Variants in ABLIM2 observed in about 807,000 individuals in gnomAD.
The protein encoded by ABLIM2 is actin-binding LIM protein 2.
Under a neutral mutation model 97.7 loss-of-function variants are expected in ABLIM2, and 53 were observed. The ratio of observed to expected loss-of-function variants is 0.54; its 90% CI spans 0.44 to 0.68. ABLIM2 has a LOEUF of 0.68. ABLIM2 is among the 30% of genes least tolerant of loss of function. The pLI is 0.00. For synonymous variants in ABLIM2, 361 were observed against 345.8 expected, an observed-to-expected ratio of 1.04 and a Z score of -0.49; for missense variants, 835 against 867.2, an observed-to-expected ratio of 0.96 and a Z score of 0.47.
chr4:7,977,938 T>C (rs1385840026), intron 20 of ABLIM2, among the ~76,000 whole-genome samples: 2 of 152,080 alleles, frequency 1.3e-5, no homozygotes, highest in Non-Finnish European at 2.9e-5. Context: ...TGATCCAAAA[T>C]AGGATTCAGT....
intron 1 of ABLIM2, 149 bp downstream of exon 1, chr4:8,158,530 CG>C: frequency 1.0e-6 from 1 of 961,436 alleles, no homozygotes; most frequent in Non-Finnish European, 1.5e-6. Context: ...TCTGGCCCCT[CG>C]GGGCTGCAAA....
intron 1 of ABLIM2, among the ~76,000 whole-genome samples, chr4:8,152,966 C>G (rs1339483788): frequency 6.6e-6 from 1 of 152,162 alleles, no homozygotes; most frequent in Non-Finnish European, 1.5e-5. Context: ...GAGCCCTACC[C>G]AGGCAGAGGC....
intron 15 of ABLIM2, among the ~76,000 whole-genome samples, chr4:8,008,578 C>T (rs1223404191): frequency 6.6e-6 from 1 of 152,248 alleles, no homozygotes; most frequent in Admixed American, 6.5e-5. Flanking sequence ...AAAGCCCAGC[C>T]TGCAGCCTCC....
At chr4:8,077,873 T>A (rs965898525) in intron 5 of ABLIM2, among the ~76,000 whole-genome samples, 152 bp from the exon 6 acceptor site, 1 of 152,228 alleles carries the variant, frequency 6.6e-6, no homozygotes, top group Admixed American at 6.5e-5. Context: ...GGCAGTGTCA[T>A]TGGGCTCTCA....
At chr4:7,969,345 T>C (rs960545968) in intron 20 of ABLIM2, among the ~76,000 whole-genome samples, 1 of 151,914 alleles carries the variant, frequency 6.6e-6, no homozygotes, top group Non-Finnish European at 1.5e-5. Flanking sequence ...TCCCAGTTAC[T>C]GAGGAGGCTG....
intron 20 of ABLIM2, among the ~76,000 whole-genome samples, chr4:7,978,564 G>A (rs1735494599): frequency 6.6e-6 from 1 of 152,184 alleles, no homozygotes; most frequent in South Asian, 2.1e-4. Flanking sequence ...CAGACCTGCT[G>A]GCTGAGCTCA....
Position 8,061,653 on chromosome 4 carries a change from CAAA to C in ABLIM2, c.676-602_676-600del, listed in dbSNP as rs200304779. Among the ~76,000 whole-genome samples, 2 of 137,918 alleles carry C rather than the reference CAAA, an allele frequency of 1.5e-5. No homozygotes were observed. Among genetic ancestry groups the C allele is most frequent in the Admixed American group, 7.3e-5 (1 of 13,718 alleles). 90.5% of individuals were successfully genotyped at this position (137,918 alleles called of 152,430 possible). The stretch of plus-strand genomic sequence containing the variant: ...TGGTTTGGCTTATTTTTGCCTGGAG[CAAA>C]AAAAAAAAAAATCACCCCGAAATGC... On this transcript the variant is annotated intron_variant, in intron 6 of 20. Coordinates refer to ENST00000447017, the MANE Select transcript of ABLIM2 (RefSeq NM_001130083.2). This position sits in a 1 kb window ranked among gnomAD's most constrained non-coding sequence, Gnocchi z 4.5.
In ABLIM2 at chr4:8,133,351, C is replaced by T. The variant is rs146454427; in HGVS notation, c.10+25329G>A. ...TCTTTTCATCAGGGGACCTACACCC[C>T]GGGTGCCCTGGCACAACATGTCCCC... On this transcript the variant is annotated intron_variant, in intron 1 of 20. Transcript: ENST00000447017. Among the ~76,000 whole-genome samples, 9 of 152,044 alleles carry T rather than the reference C, an allele frequency of 5.9e-5. 1 individual carries two copies. Among genetic ancestry groups the T allele is most frequent in the East Asian group, 1.9e-4 (1 of 5,150 alleles).
chr4:8,118,890 G>A (rs1005917368), intron 1 of ABLIM2, among the ~76,000 whole-genome samples: 3 of 152,280 alleles, frequency 2.0e-5, no homozygotes, highest in East Asian at 1.9e-4. Context: ...GGACCTAAGC[G>A]CCCTTCTTTG....
chr4:8,093,704 A>G (rs1830036234), intron 3 of ABLIM2, among the ~76,000 whole-genome samples: 1 of 152,204 alleles, frequency 6.6e-6, no homozygotes, highest in Non-Finnish European at 1.5e-5. Flanking sequence ...TAGCATACAT[A>G]GTTTCTGATG....
chr4:8,143,330 A>G (rs1851318058), intron 1 of ABLIM2, among the ~76,000 whole-genome samples: 1 of 152,126 alleles, frequency 6.6e-6, no homozygotes, highest in African/African-American at 2.4e-5. Context: ...TGGGTTCCCT[A>G]CACTGTCACT....
intron 20 of ABLIM2, among the ~76,000 whole-genome samples, chr4:7,977,985 A>G (rs531502285): frequency 6.6e-6 from 1 of 152,162 alleles, no homozygotes; most frequent in Non-Finnish European, 1.5e-5. Context: ...TTCCAGAAGC[A>G]TATCTCCCAC....
Position 7,992,766 on chromosome 4 carries a change from G to A in ABLIM2, c.1680+100C>T, listed in dbSNP as rs1749913555. On this transcript the variant is annotated intron_variant, in intron 17 of 20. Transcript: ENST00000447017. The surrounding 1 kb of genome is among the most constrained non-coding windows in gnomAD (Gnocchi z 5.7). ...AGGCAGGTGGGCCGCGGGGTCCCCG[G>A]GGCCTCTCCTCCTGCTGTGTGGTCA... 7.4e-7 allele frequency: 1 copy of A among 1,349,798 alleles called. No homozygotes were observed. The highest frequency in any genetic ancestry group is 1.4e-5 in the African/African-American group (1 of 69,068). The allele number at this position is 1,349,798 out of a possible 1,614,324, so 83.6% of individuals were successfully genotyped here.
chr4:8,109,390 C>A (rs1105616), intron 1 of ABLIM2, among the ~76,000 whole-genome samples: 120,242 of 152,230 alleles, frequency 0.79, 47,855 homozygotes, highest in Non-Finnish European at 0.83. Flanking sequence ...TCACTCACAT[C>A]TATTTACCCA....
At chr4:8,079,241 C>A (rs1444851386) in intron 5 of ABLIM2, among the ~76,000 whole-genome samples, 4 of 152,198 alleles carry the variant, frequency 2.6e-5, no homozygotes, top group Non-Finnish European at 4.4e-5. Flanking sequence ...CCGTAATAAC[C>A]CACAAACGAG....
chr4:8,046,583 T>C lies in ABLIM2; in HGVS notation c.823-1342A>G, dbSNP rs368087033. Among the ~76,000 whole-genome samples, 74 of 152,262 alleles carry C rather than the reference T, an allele frequency of 4.9e-4. 1 individual carries two copies. In the East Asian group the frequency reaches 0.012, roughly 24 times the overall value. ...CCACTGCAGCTCCCTCCTCTCATTT[T>C]CTGAGTAGACCCTTTTCTTGCCACC... is the stretch of plus-strand genomic sequence containing the variant. On this transcript the variant is annotated intron_variant, in intron 8 of 20. Coordinates refer to ENST00000447017, the MANE Select transcript of ABLIM2 (RefSeq NM_001130083.2). This position sits in a 1 kb window ranked among gnomAD's most constrained non-coding sequence, Gnocchi z 4.4.
In ABLIM2 at chr4:8,004,895, A is replaced by C. The variant is rs990474393; in HGVS notation, c.1618+3164T>G. 2.0e-5 allele frequency among the ~76,000 whole-genome samples: 3 copies of C among 152,224 alleles called. No homozygotes were observed. Among genetic ancestry groups the C allele is most frequent in the Non-Finnish European group, 4.4e-5 (3 of 68,040 alleles). ...ATGACGCCCTCTTTGGAGGGGTGGC[A>C]ATGCCTGCTGGGAACTAATGGAATG... is the stretch of plus-strand genomic sequence containing the variant. On this transcript the variant is annotated intron_variant, in intron 16 of 20. Transcript: ENST00000447017. This position sits in a 1 kb window ranked among gnomAD's most constrained non-coding sequence, Gnocchi z 5.9.
chr4:7,990,600 T>C (rs1430092038), intron 17 of ABLIM2, among the ~76,000 whole-genome samples: 1 of 152,178 alleles, frequency 6.6e-6, no homozygotes, highest in Non-Finnish European at 1.5e-5. Context: ...ACTGCACCTA[T>C]GCTTGAGGCC....
intron 17 of ABLIM2, among the ~76,000 whole-genome samples, chr4:7,989,070 G>A (rs1243117942): frequency 9.1e-6 from 1 of 110,328 alleles, no homozygotes; most frequent in African/African-American, 3.3e-5. Context: ...AGACACATTA[G>A]TCTTTTTTTT....
Sources: allele counts gnomAD v4.1 joint callset (sites outside exome capture counted in the v4.1 genomes callset), GRCh38; gene constraint gnomAD v4.1.1; non-coding constraint Gnocchi (gnomAD v3.1); transcripts MANE v1.5; gene names NCBI Gene and HGNC (gene_info 2026-07-23, HGNC 2026-07-21).